CNBD1: variants seen among roughly 807,000 people sequenced by gnomAD.
CNBD1 encodes cyclic nucleotide binding domain containing 1.
A neutral mutation model predicts 54.4 loss-of-function variants in CNBD1; 71 were observed. The ratio of observed to expected loss-of-function variants is 1.30; its 90% CI spans 1.08 to 1.59. The LOEUF (loss-of-function observed/expected upper bound fraction) is 1.59. Among genes scored for constraint, CNBD1 ranks in the 40% most tolerant of loss-of-function variants. The pLI is 0.00. For synonymous variants in CNBD1, 182 were observed against 170.7 expected, an observed-to-expected ratio of 1.07 and a Z score of -0.51; for missense variants, 659 against 518.0, an observed-to-expected ratio of 1.27 and a Z score of -2.64.
At chr8:87,292,263 C>T (rs1187593642) in intron 8 of CNBD1, among the ~76,000 whole-genome samples, 1 of 152,036 alleles carries the variant, frequency 6.6e-6, no homozygotes, top group Non-Finnish European at 1.5e-5. Context: ...ACTCACAATC[C>T]TGAGAGAATA....
chr8:87,247,756 G>A (rs1461176808), intron 6 of CNBD1, among the ~76,000 whole-genome samples: 1 of 152,150 alleles, frequency 6.6e-6, no homozygotes, highest in Non-Finnish European at 1.5e-5. Flanking sequence ...TCCTCATAGA[G>A]TTACGTGAAC....
intron 2 of CNBD1, among the ~76,000 whole-genome samples, chr8:87,426,431 C>T (rs1386123273): frequency 2.0e-5 from 3 of 152,166 alleles, no homozygotes; most frequent in African/African-American, 4.8e-5. Flanking sequence ...ATAATGCTAA[C>T]ATTTATTATG....
chr8:86,888,267 A>G (rs1808709813), intron 2 of CNBD1, among the ~76,000 whole-genome samples: 1 of 152,026 alleles, frequency 6.6e-6, no homozygotes, highest in Non-Finnish European at 1.5e-5. Flanking sequence ...ATTTCAAATT[A>G]TTTTTATACT....
intron 8 of CNBD1, among the ~76,000 whole-genome samples, chr8:87,327,312 T>C (rs1809697299): frequency 6.7e-6 from 1 of 150,078 alleles, no homozygotes; most frequent in South Asian, 2.1e-4. Flanking sequence ...CTGGCCTCCT[T>C]GAGCTGTGGT....
intron 4 of CNBD1, among the ~76,000 whole-genome samples, chr8:87,092,513 G>A (rs1456078948): frequency 7.1e-6 from 1 of 141,798 alleles, no homozygotes; most frequent in Non-Finnish European, 1.5e-5. Flanking sequence ...ATGTGTGTGT[G>A]TGTATGTGTG....
At chr8:86,945,598 G>C (rs1308112218) in intron 4 of CNBD1, among the ~76,000 whole-genome samples, 2 of 152,132 alleles carry the variant, frequency 1.3e-5, no homozygotes, top group African/African-American at 4.8e-5. Flanking sequence ...CAGTATTTTG[G>C]AGGAAAACCG....
intron 2 of CNBD1, among the ~76,000 whole-genome samples, chr8:86,901,116 T>A (rs1403354366): frequency 6.6e-6 from 1 of 152,150 alleles, no homozygotes; most frequent in Non-Finnish European, 1.5e-5. Flanking sequence ...ACTGACATTT[T>A]TATGGAATGT....
At chr8:87,301,728 A>C (rs1808999233) in intron 8 of CNBD1, among the ~76,000 whole-genome samples, 1 of 152,180 alleles carries the variant, frequency 6.6e-6, no homozygotes, top group African/African-American at 2.4e-5. Flanking sequence ...GATCAACAAA[A>C]GTGATAGACC....
intron 1 of CNBD1, among the ~76,000 whole-genome samples, chr8:86,887,036 G>A (rs953767758): frequency 4.6e-5 from 7 of 152,146 alleles, no homozygotes; most frequent in African/African-American, 1.7e-4. Flanking sequence ...AGAAGGAATT[G>A]CAAACTGAAT....
intron 4 of CNBD1, among the ~76,000 whole-genome samples, chr8:87,193,363 T>C (rs1248155712): frequency 6.6e-6 from 1 of 152,214 alleles, no homozygotes; most frequent in Non-Finnish European, 1.5e-5. Context: ...TTTTTAATTG[T>C]ACTTTTTAAT....
intron 8 of CNBD1, among the ~76,000 whole-genome samples, chr8:87,331,361 T>C (rs1332401050): frequency 6.6e-6 from 1 of 152,186 alleles, no homozygotes; most frequent in Non-Finnish European, 1.5e-5. Flanking sequence ...TGGCTTCCAG[T>C]TTCATCAAAG....
intron 1 of CNBD1, among the ~76,000 whole-genome samples, chr8:86,869,347 C>CACAACA (rs58298303): frequency 0.056 from 8,456 of 151,462 alleles, 322 homozygotes; most frequent in Middle Eastern, 0.095. Context: ...AAACTCTACT[C>CACAACA]ACAACAACAA....
intron 5 of CNBD1, among the ~76,000 whole-genome samples, chr8:87,212,726 A>G (rs117318011): frequency 5.5e-4 from 84 of 152,288 alleles, no homozygotes; most frequent in Non-Finnish European, 1.1e-3. Flanking sequence ...CAAGGATATA[A>G]AGGTAATAAT....
chr8:87,303,824 G>C (rs930632640), intron 8 of CNBD1, among the ~76,000 whole-genome samples: 1 of 151,810 alleles, frequency 6.6e-6, no homozygotes, highest in South Asian at 2.1e-4. Context: ...ACAAGTGGGC[G>C]AAGGATATGA....
chr8:87,203,024 T>A (rs1417289260), intron 4 of CNBD1, among the ~76,000 whole-genome samples: 1 of 152,154 alleles, frequency 6.6e-6, no homozygotes, highest in Non-Finnish European at 1.5e-5. Flanking sequence ...AAACATACAA[T>A]TCAAGGCCAA....
chr8:87,176,100 A>T (rs1468748157), intron 4 of CNBD1, among the ~76,000 whole-genome samples: 1 of 152,132 alleles, frequency 6.6e-6, no homozygotes, highest in Non-Finnish European at 1.5e-5. Flanking sequence ...GGGTGATGGG[A>T]GGGGTTGGCA....
intron 4 of CNBD1, among the ~76,000 whole-genome samples, chr8:86,956,904 T>A (rs1807786973): frequency 6.6e-6 from 1 of 152,224 alleles, no homozygotes; most frequent in Admixed American, 6.5e-5. Flanking sequence ...CCCTGTCTTG[T>A]GCCAGTTTTC....
chr8:87,183,379 CTGTT>C (rs1325013001), intron 4 of CNBD1, among the ~76,000 whole-genome samples: 26 of 94,602 alleles, frequency 2.7e-4, no homozygotes, highest in African/African-American at 4.9e-4. Flanking sequence ...TGTTTTTGCG[CTGTT>C]TGTTTTTTTT....
intron 10 of CNBD1, among the ~76,000 whole-genome samples, chr8:87,376,958 C>G (rs1810953876): frequency 6.7e-6 from 1 of 149,724 alleles, no homozygotes; most frequent in African/African-American, 2.4e-5. Context: ...TCTTGGAACC[C>G]AAATATTCTG....
Sources: gnomAD v4.1 joint callset for allele counts (sites outside exome capture counted in the v4.1 genomes callset) on GRCh38, gnomAD v4.1.1 for gene constraint, MANE v1.5 for transcripts, NCBI Gene and HGNC (gene_info 2026-07-23, HGNC 2026-07-21) for gene names.